LHX1: variants seen among roughly 807,000 people sequenced by gnomAD.
LHX1 encodes LIM homeobox 1.
LHX1 carries 9 observed loss-of-function variants against 34.1 expected under a neutral mutation model. The ratio of observed to expected loss-of-function variants is 0.26; its 90% confidence interval spans 0.16 to 0.46. LHX1 has a LOEUF of 0.46. Ranked by LOEUF, LHX1 falls within the 20% of genes least tolerant of loss-of-function variation. The pLI is 1.00. For missense variants in LHX1, 446 were observed against 559.1 expected, an observed-to-expected ratio of 0.80 and a Z score of 2.04; for synonymous variants, 254 against 241.5, an observed-to-expected ratio of 1.05 and a Z score of -0.48.
In LHX1 at chr17:36,938,019, A is replaced by T; in HGVS notation, c.-179A>T. On this transcript the variant is annotated 5_prime_UTR_variant, in exon 1 of 5. Coordinates refer to ENST00000614239, the MANE Select transcript of LHX1 (RefSeq NM_005568.5). Reference sequence around the variant, plus strand: ...TGAGACGCCCCCCCAGGCCCCGATCAGCCTCGTTTCCTCCACCCTACTTTG... The same window carrying T: ...TGAGACGCCCCCCCAGGCCCCGATCTGCCTCGTTTCCTCCACCCTACTTTG... 1 of 642,758 alleles carries T rather than the reference A, an allele frequency of 1.6e-6. No individual in the cohort carries two copies. The highest frequency in any genetic ancestry group is 2.7e-5 in the East Asian group (1 of 36,554). 39.8% of individuals were successfully genotyped at this position (642,758 alleles called of 1,614,324 possible). A position where few individuals can be genotyped will look rare whatever the true frequency, so the allele number is the denominator to read the frequency against.
intron 1 of LHX1, 32 bp from the exon 2 acceptor site, chr17:36,940,258 C>CCGGGGGGGGGGGGGGGGGGGG: frequency 1.9e-6 from 1 of 528,906 alleles, no homozygotes; most frequent in Non-Finnish European, 3.3e-6. Context: ...GACCCATCCC[C>CCGGGGGGGGGGGGGGGGGGGG]GCCCCCGCCC....
In LHX1 at chr17:36,942,308, G is replaced by T. The variant is rs768910269; in HGVS notation, c.784G>T (p.Val262Leu). Residue 262 changes from valine to leucine, a missense_variant, in exon 4 of 5, where the codon GTG becomes TTG. This residue lies in a region of LHX1 where 235 missense variants were observed against 224.4 expected (regional missense o/e 1.05). Coordinates refer to ENST00000614239, the MANE Select transcript of LHX1 (RefSeq NM_005568.5). ...FRSPRRMRPLVDRLEPGELIP... is the reference protein window; with the variant it reads ...FRSPRRMRPLLDRLEPGELIP... ...CAGTCCGCGCCGGATGCGGCCGCTG[G>T]TGGACCGCCTGGAGCCGGGCGAGCT... 7.5e-6 allele frequency: 12 copies of T among 1,593,758 alleles called. No individual in the cohort carries two copies. The highest frequency in any genetic ancestry group is 1.0e-5 in the Non-Finnish European group (12 of 1,171,586).
At chr17:36,938,832 G>A (rs995764200) in intron 1 of LHX1, 2 of 315,814 alleles carry the variant, frequency 6.3e-6, no homozygotes, top group Admixed American at 4.5e-5. Flanking sequence ...AGCCTTTTGC[G>A]TAGAGTGTCT....
Position 36,940,297 on chromosome 17 carries a change from G to C in LHX1, c.178G>C (p.Gly60Arg), listed in dbSNP as rs1284250439. 2 of 1,474,814 alleles carry C rather than the reference G, an allele frequency of 1.4e-6. No homozygotes were observed. Among genetic ancestry groups the C allele is most frequent in the Non-Finnish European group, 1.8e-6 (2 of 1,112,254 alleles). The allele number at this position is 1,474,814 out of a possible 1,614,324, so 91.4% of individuals were successfully genotyped here. A position where few individuals can be genotyped will look rare whatever the true frequency, so the allele number is the denominator to read the frequency against. The change falls in exon 2 of 5, where the codon GGT becomes CGT. Residue 60 changes from glycine to arginine, a missense_variant. Coordinates refer to ENST00000614239, the MANE Select transcript of LHX1 (RefSeq NM_005568.5). ...YCKNDFFRCF[G>R]TKCAGCAQGI... ...ACCCCCACCCCCCCGCAGGTGTTTC[G>C]GTACCAAATGCGCAGGCTGCGCTCA...
At position 36,943,346 on chromosome 17, in the gene LHX1, CGACGTGCAGAACTG is replaced by C; in HGVS notation, c.*217_*230del. The stretch of plus-strand genomic sequence containing the variant: ...GGACTGGGATCCGCGCACTGGCTGT[CGACGTGCAGAACTG>C]GGGCTCCCCAAAGGAAACGCAGACC... On this transcript the variant is annotated 3_prime_UTR_variant, in exon 5 of 5. Coordinates refer to ENST00000614239, the MANE Select transcript of LHX1 (RefSeq NM_005568.5). 1 of 569,224 alleles carries C rather than the reference CGACGTGCAGAACTG, an allele frequency of 1.8e-6. No individual in the cohort carries two copies. The highest frequency in any genetic ancestry group is 3.4e-5 in the Admixed American group (1 of 29,658). The allele number at this position is 569,224 out of a possible 1,614,324, so 35.3% of individuals were successfully genotyped here. A position where few individuals can be genotyped will look rare whatever the true frequency, so the allele number is the denominator to read the frequency against.
rs561867784 is a variant in LHX1, at chr17:36,942,379, G to C, written c.841+14G>C. 4.7e-5 allele frequency: 74 copies of C among 1,570,360 alleles called. No individual in the cohort carries two copies. In the African/African-American group the frequency reaches 9.6e-4, roughly 20 times the overall value. On this transcript the variant is annotated intron_variant, in intron 4 of 4. Transcript: ENST00000614239. ...CCTTCTACGGAGGTGGGTGCGCGCC[G>C]AATGGCGGGGCGCGGCCAGGTCGGG... is the stretch of plus-strand genomic sequence containing the variant.
In LHX1 at chr17:36,938,149, T is replaced by A. The variant is rs1185828154; in HGVS notation, c.-49T>A. The A allele has an allele frequency of 6.3e-7, 1 of 1,596,824 alleles. No individual in the cohort carries two copies. The highest frequency in any genetic ancestry group is 8.6e-7 in the Non-Finnish European group (1 of 1,166,228). On this transcript the variant is annotated 5_prime_UTR_variant, in exon 1 of 5. Coordinates refer to ENST00000614239, the MANE Select transcript of LHX1 (RefSeq NM_005568.5). ...TCTTCAGGAGTCATCCCCTGGGCTCTACTTTGCCCCTCTCTCTCTCTGGGC... is the reference window on the plus strand; with the variant it reads ...TCTTCAGGAGTCATCCCCTGGGCTCAACTTTGCCCCTCTCTCTCTCTGGGC...
chr17:36,942,362 G>C lies in LHX1; in HGVS notation c.838G>C (p.Gly280Arg), dbSNP rs1368484274. 6.3e-6 allele frequency: 10 copies of C among 1,580,526 alleles called. No individual in the cohort carries two copies. The highest frequency in any genetic ancestry group is 2.3e-5 in the East Asian group (1 of 43,276). ...LIPNGPFSFY[G>R]DYQSEYYGPG... Reference sequence around the variant, plus strand: ...CCCCAATGGTCCCTTCTCCTTCTACGGAGGTGGGTGCGCGCCGAATGGCGG... The same window carrying C: ...CCCCAATGGTCCCTTCTCCTTCTACCGAGGTGGGTGCGCGCCGAATGGCGG... Residue 280 changes from glycine to arginine, a missense_variant, in exon 4 of 5, where the codon GGA becomes CGA. Gly to Arg is a moderately radical substitution (Grantham distance 125). Around this residue, in one of 3 missense-constraint regions of LHX1, gnomAD observed 235 missense variants for 224.4 expected, o/e 1.05. Transcript: ENST00000614239.
intron 4 of LHX1, 116 bp from the exon 5 acceptor site, chr17:36,942,636 C>T: frequency 3.4e-5 from 41 of 1,209,498 alleles, no homozygotes; most frequent in Non-Finnish European, 4.6e-5. Flanking sequence ...CCCCGCGATC[C>T]GCGAGTTCCC....
At chr17:36,936,901 C>A, upstream of LHX1, 1 of 114,244 alleles carries the variant, frequency 8.8e-6, no homozygotes, top group Non-Finnish European at 1.9e-5. Context: ...CAACGAGCCG[C>A]GGCCCGGGCG....
rs777130906 is a variant in LHX1 at position 36,942,845 on chromosome 17, C to A, written c.935C>A (p.Pro312His). ...SSQAQTPVDL[P>H]FVPSSGPSGT... The stretch of plus-strand genomic sequence containing the variant: ...CAGGCCCAGACACCAGTGGACCTAC[C>A]CTTCGTGCCGTCATCTGGGCCGTCC... Residue 312 changes from proline (P) to histidine (H), a missense_variant, in exon 5 of 5, where the codon CCC (proline) becomes CAC (histidine). Pro to His is a moderately conservative substitution (Grantham distance 77, BLOSUM62 -2). This residue lies in a region of LHX1 where 235 missense variants were observed against 224.4 expected (regional missense o/e 1.05). Transcript: ENST00000614239. The A allele has an allele frequency of 1.6e-4, 252 of 1,589,850 alleles. No individual in the cohort carries two copies. Among genetic ancestry groups the A allele is most frequent in the Non-Finnish European group, 1.3e-5 (15 of 1,165,730 alleles).
chr17:36,940,716 C>T lies in LHX1; in HGVS notation c.504C>T (p.Ser168=), dbSNP rs2070759605. The part of the protein sequence containing the change: ...SANVSDKEAG[S]NENDDQNLGA... ...ACGTGTCGGACAAGGAAGCGGGTAG[C>T]AACGAGAATGACGACCAGAACCTGG... The change falls in exon 3 of 5, where the codon AGC becomes AGT. Residue 168 remains serine (S), a synonymous_variant. Coordinates refer to ENST00000614239, the MANE Select transcript of LHX1 (RefSeq NM_005568.5). 6.2e-7 allele frequency: 1 copy of T among 1,613,786 alleles called. No individual in the cohort carries two copies. The highest frequency in any genetic ancestry group is 8.5e-7 in the Non-Finnish European group (1 of 1,180,054).
rs778796642 is a variant in LHX1 at position 36,937,511 on chromosome 17, T to A, written c.-687T>A. The A allele has an allele frequency of 3.2e-6, 1 of 315,222 alleles. No homozygotes were observed. Among genetic ancestry groups the A allele is most frequent in the African/African-American group, 2.3e-5 (1 of 44,402 alleles). 19.5% of individuals were successfully genotyped at this position (315,222 alleles called of 1,614,324 possible). A position where few individuals can be genotyped will look rare whatever the true frequency, so the allele number is the denominator to read the frequency against. ...CTCCTACCCTCCCCTCTTTCCCTTCTCCCGCGGTCGGCCCTCGCCCCCTCC... is the reference window on the plus strand; with the variant it reads ...CTCCTACCCTCCCCTCTTTCCCTTCACCCGCGGTCGGCCCTCGCCCCCTCC... On this transcript the variant is annotated 5_prime_UTR_variant, in exon 1 of 5. Coordinates refer to ENST00000614239, the MANE Select transcript of LHX1 (RefSeq NM_005568.5).
intron 3 of LHX1, 84 bp downstream of exon 3, chr17:36,940,971 T>A: frequency 6.5e-7 from 1 of 1,533,532 alleles, no homozygotes; most frequent in East Asian, 2.4e-5. Context: ...GAGCCCAGAA[T>A]CCAGAGAGAA....
At position 36,938,006 on chromosome 17, in the gene LHX1, C is replaced by A; in HGVS notation, c.-192C>A. On this transcript the variant is annotated 5_prime_UTR_variant, in exon 1 of 5. Transcript: ENST00000614239. ...CTGCACACTTCACTGAGACGCCCCC[C>A]CAGGCCCCGATCAGCCTCGTTTCCT... 1.6e-6 allele frequency: 1 copy of A among 629,800 alleles called. No individual in the cohort carries two copies. The highest frequency in any genetic ancestry group is 1.9e-5 in the South Asian group (1 of 52,432). 39.0% of individuals were successfully genotyped at this position (629,800 alleles called of 1,614,324 possible).
At chr17:36,942,104 G>A (rs2070768732) in intron 3 of LHX1, 96 bp from the exon 4 acceptor site, 1 of 1,343,972 alleles carries the variant, frequency 7.4e-7, no homozygotes, top group Non-Finnish European at 1.0e-6. Context: ...CGCGGTGTCG[G>A]CTAGCCAGGC....
chr17:36,941,543 G>A, intron 3 of LHX1: 1 of 252,646 alleles, frequency 4.0e-6, no homozygotes, highest in South Asian at 4.5e-5. Flanking sequence ...CACCGGGCCT[G>A]ATGCCCTGCG....
chr17:36,940,862 C>T lies in LHX1; in HGVS notation c.650C>T (p.Thr217Ile), dbSNP rs763155658. 1 of 1,606,280 alleles carries T rather than the reference C, an allele frequency of 6.2e-7. No homozygotes were observed. The highest frequency in any genetic ancestry group is 8.5e-7 in the Non-Finnish European group (1 of 1,177,826). ...RHIREQLAQETGLNMRVIQVW... is the reference protein window; with the variant it reads ...RHIREQLAQEIGLNMRVIQVW... ...ATCCGCGAGCAGCTGGCGCAGGAGA[C>T]CGGCCTCAACATGCGCGTCATTCAG... is the stretch of plus-strand genomic sequence containing the variant. The change falls in exon 3 of 5, where the codon ACC becomes ATC. Residue 217 changes from threonine (T) to isoleucine (I), a missense_variant. Thr to Ile is a moderately conservative substitution (Grantham distance 89, BLOSUM62 -1). Transcript: ENST00000614239.
intron 1 of LHX1, chr17:36,938,635 C>T (rs2070745233): frequency 3.5e-6 from 2 of 572,578 alleles, no homozygotes; most frequent in South Asian, 2.0e-5. Flanking sequence ...CCCAGAAGCC[C>T]CTTCAAGCTT....
Sources: allele counts gnomAD v4.1 joint callset, GRCh38; gene constraint gnomAD v4.1.1; regional missense constraint gnomAD v4.1.1; transcripts MANE v1.5; gene names NCBI Gene and HGNC (gene_info 2026-07-23, HGNC 2026-07-21).